PDE10A: variants seen among roughly 807,000 people sequenced by gnomAD.
PDE10A encodes the protein phosphodiesterase 10A, also known as cAMP and cAMP-inhibited cGMP 3',5'-cyclic phosphodiesterase 10A.
PDE10A carries 39 observed loss-of-function variants against 97.7 expected under a neutral mutation model. The observed-to-expected ratio is 0.40, with a 90% CI of 0.31 to 0.52. The LOEUF (loss-of-function observed/expected upper bound fraction) is 0.52. PDE10A is among the 20% of genes least tolerant of loss of function. The probability of loss-of-function intolerance (pLI) is 0.56; values close to 1 mark genes in which losing one functional copy is unlikely to be tolerated. For missense variants in PDE10A, 731 were observed against 1,047.8 expected, an observed-to-expected ratio of 0.70 and a Z score of 4.17; for synonymous variants, 371 against 376.8, an observed-to-expected ratio of 0.98 and a Z score of 0.18.
intron 1 of PDE10A, among the ~76,000 whole-genome samples, chr6:165,968,222 C>T (rs975696987): frequency 4.6e-5 from 7 of 152,096 alleles, no homozygotes; most frequent in South Asian, 2.1e-4. Flanking sequence ...ATGATATTAG[C>T]GAAGAGTATT....
intron 1 of PDE10A, among the ~76,000 whole-genome samples, chr6:165,709,804 G>A (rs1456486336): frequency 6.8e-6 from 1 of 147,494 alleles, no homozygotes. Context: ...TTCCAGCCTC[G>A]CTGTCCTGCG....
At chr6:165,732,834 C>T (rs978030747) in intron 1 of PDE10A, among the ~76,000 whole-genome samples, 1 of 152,234 alleles carries the variant, frequency 6.6e-6, no homozygotes, top group African/African-American at 2.4e-5. Flanking sequence ...CCCAGGGCTT[C>T]TCAGCCCCAT....
At chr6:165,650,847 C>T (rs1343320420) in intron 1 of PDE10A, among the ~76,000 whole-genome samples, 2 of 151,992 alleles carry the variant, frequency 1.3e-5, no homozygotes, top group Non-Finnish European at 2.9e-5. Flanking sequence ...AAGCGATTCT[C>T]CTGCCTCAGC....
intron 12 of PDE10A, among the ~76,000 whole-genome samples, chr6:165,414,655 A>G (rs1788174011): frequency 6.6e-6 from 1 of 152,206 alleles, no homozygotes; most frequent in South Asian, 2.1e-4. Context: ...CTACTGTAGC[A>G]CCATATGTTT....
intron 3 of PDE10A, among the ~76,000 whole-genome samples, chr6:165,468,864 C>G (rs1778819880): frequency 6.6e-6 from 1 of 152,182 alleles, no homozygotes; most frequent in Non-Finnish European, 1.5e-5. Flanking sequence ...CCCAAACAAC[C>G]TTTAAACGGC....
At chr6:165,607,536 G>C (rs1381950318) in intron 1 of PDE10A, among the ~76,000 whole-genome samples, 1 of 152,126 alleles carries the variant, frequency 6.6e-6, no homozygotes, top group African/African-American at 2.4e-5. Context: ...ATCTAGGTTT[G>C]TTAAGTGCAC....
chr6:165,780,341 C>T (rs944118766), intron 1 of PDE10A: 1 of 152,204 alleles, frequency 6.6e-6, no homozygotes, highest in Non-Finnish European at 1.5e-5. Context: ...ATTATCTTCA[C>T]ACCATATCAA....
At chr6:165,826,587 G>A (rs1230497769) in intron 1 of PDE10A, among the ~76,000 whole-genome samples, 1 of 150,664 alleles carries the variant, frequency 6.6e-6, no homozygotes, top group African/African-American at 2.4e-5. Context: ...CCCCAGGTAT[G>A]TACCCACAGC....
At chr6:165,954,745 G>A (rs1249714468) in intron 1 of PDE10A, among the ~76,000 whole-genome samples, 5 of 152,040 alleles carry the variant, frequency 3.3e-5, no homozygotes, top group Non-Finnish European at 5.9e-5. Flanking sequence ...AAGGCTCAGG[G>A]TTTCCGGAAG....
chr6:165,628,826 G>A (rs997876809), intron 1 of PDE10A, among the ~76,000 whole-genome samples: 5 of 152,114 alleles, frequency 3.3e-5, no homozygotes, highest in Admixed American at 3.3e-4. Context: ...ATAGATAATT[G>A]AGATTTTGTG....
intron 1 of PDE10A, among the ~76,000 whole-genome samples, chr6:165,787,252 A>G (rs1562736661): frequency 6.6e-6 from 1 of 152,226 alleles, no homozygotes; most frequent in Non-Finnish European, 1.5e-5. Flanking sequence ...TCTAGAGACA[A>G]AAGACCCACA....
intron 1 of PDE10A, among the ~76,000 whole-genome samples, chr6:165,612,251 C>A (rs1174090374): frequency 6.6e-6 from 1 of 152,184 alleles, no homozygotes; most frequent in Non-Finnish European, 1.5e-5. Flanking sequence ...AGGGGAGGAT[C>A]TTTTCTTTCA....
chr6:165,474,452 C>A (rs990404213), intron 3 of PDE10A, among the ~76,000 whole-genome samples: 18 of 152,052 alleles, frequency 1.2e-4, no homozygotes, highest in Non-Finnish European at 1.8e-4. Context: ...AAACTTTTTT[C>A]CTTCTGTGTA....
chr6:165,908,347 A>G (rs1782356321), intron 1 of PDE10A, among the ~76,000 whole-genome samples: 1 of 152,212 alleles, frequency 6.6e-6, no homozygotes, highest in African/African-American at 2.4e-5. Context: ...CAGTCCATAA[A>G]CAACACCCAC....
At chr6:165,543,041 T>G (rs1188739298) in intron 2 of PDE10A, among the ~76,000 whole-genome samples, 1 of 152,236 alleles carries the variant, frequency 6.6e-6, no homozygotes, top group East Asian at 1.9e-4. Flanking sequence ...TATATTGGCT[T>G]GTTTTTGTAA....
intron 2 of PDE10A, among the ~76,000 whole-genome samples, chr6:165,485,743 C>T (rs1489883001): frequency 1.3e-5 from 2 of 152,060 alleles, no homozygotes; most frequent in East Asian, 4.0e-4. Context: ...CAGGCGCCCG[C>T]CACCATGCCT....
At chr6:165,781,517 C>CA (rs34512341) in intron 1 of PDE10A, 44,350 of 152,032 alleles carry the variant, frequency 0.29, 7,101 homozygotes, top group East Asian at 0.4. Flanking sequence ...GATGCCCCAA[C>CA]AAAAATGTTC....
chr6:165,410,849 G>C (rs957745907), intron 13 of PDE10A, among the ~76,000 whole-genome samples: 8 of 149,304 alleles, frequency 5.4e-5, no homozygotes, highest in African/African-American at 2.0e-4. Context: ...AGCACTTTGG[G>C]AGGCCGAGGC....
chr6:165,798,397 C>T (rs747776187), intron 1 of PDE10A, among the ~76,000 whole-genome samples: 4 of 152,144 alleles, frequency 2.6e-5, no homozygotes, highest in Non-Finnish European at 4.4e-5. Flanking sequence ...TTGCAAGACC[C>T]ACTGGGTCCC....
Sources: allele counts gnomAD v4.1 joint callset (sites outside exome capture counted in the v4.1 genomes callset), GRCh38; gene constraint gnomAD v4.1.1; transcripts MANE v1.5; gene names NCBI Gene and HGNC (gene_info 2026-07-23, HGNC 2026-07-21).